The following PLD6 variants were observed in gnomAD, a reference collection of about 807,000 sequenced individuals.
The protein encoded by PLD6 is phospholipase D family member 6.
A neutral mutation model predicts 9.7 loss-of-function variants in PLD6; 10 were observed. The ratio of observed to expected loss-of-function variants is 1.03; its 90% CI spans 0.64 to 1.75. PLD6 has a LOEUF of 1.75. PLD6 is among the 40% of genes most tolerant of loss of function. The pLI is 0.00. For missense variants in PLD6, 334 were observed against 347.6 expected (o/e 0.96, Z 0.31); for synonymous variants, 152 against 159.2 (o/e 0.96, Z 0.34).
At position 17,202,668 on chromosome 17, in the gene PLD6, A is replaced by G; in HGVS notation, c.*99T>C. 8.6e-7 allele frequency: 1 copy of G among 1,163,268 alleles called. No individual in the cohort carries two copies. Among genetic ancestry groups the G allele is most frequent in the South Asian group, 1.5e-5 (1 of 65,618 alleles). 72.1% of individuals were successfully genotyped at this position (1,163,268 alleles called of 1,614,324 possible). A position where few individuals can be genotyped will look rare whatever the true frequency, so the allele number is the denominator to read the frequency against. On this transcript the variant is annotated 3_prime_UTR_variant, in exon 2 of 2. Coordinates refer to ENST00000321560, the MANE Select transcript of PLD6 (RefSeq NM_178836.4). ...TTCTTTAGTTCAATTTAGTATTCTA[A>G]TAGACGAGACTTTAGTTTAACGATT...
chr17:17,206,003 T>C lies in PLD6; in HGVS notation c.284A>G (p.Asp95Gly), dbSNP rs1285410950. The C allele has an allele frequency of 1.3e-6, 2 of 1,548,794 alleles. No individual in the cohort carries two copies. Among genetic ancestry groups the C allele is most frequent in the Non-Finnish European group, 1.7e-6 (2 of 1,149,780 alleles). Residue 95 changes from aspartate to glycine, a missense_variant, in exon 1 of 2, where the codon GAT (aspartate) becomes GGT (glycine). Asp to Gly is a moderately conservative substitution (Grantham distance 94, BLOSUM62 -1). Transcript: ENST00000321560. ...GCTGGAGAAGGCGAACAGGCAGAGA[T>C]CCAGGCTGGCGCGGGCGGCCAGCAG... Reference protein sequence around the residue: ...RALLAARASLDLCLFAFSSPQ... With the variant: ...RALLAARASLGLCLFAFSSPQ...
chr17:17,206,290 G>A lies in PLD6; in HGVS notation c.-4C>T, dbSNP rs1220140666. 2.6e-6 allele frequency: 4 copies of A among 1,527,304 alleles called. No individual in the cohort carries two copies. Among genetic ancestry groups the A allele is most frequent in the Non-Finnish European group, 3.5e-6 (4 of 1,148,788 alleles). The allele number at this position is 1,527,304 out of a possible 1,614,324, so 94.6% of individuals were successfully genotyped here. On this transcript the variant is annotated 5_prime_UTR_variant, in exon 1 of 2. Coordinates refer to ENST00000321560, the MANE Select transcript of PLD6 (RefSeq NM_178836.4). ...CCTGCCAACTCAACCGTCCCATGCC[G>A]CCGCTAATCCGGGACCCACAGCCAC...
At position 17,205,851 on chromosome 17, in the gene PLD6, C is replaced by G; in HGVS notation, c.427+9G>C. The G allele has an allele frequency of 6.4e-7, 1 of 1,559,718 alleles. No homozygotes were observed. Among genetic ancestry groups the G allele is most frequent in the Non-Finnish European group, 8.7e-7 (1 of 1,153,468 alleles). The stretch of plus-strand genomic sequence containing the variant: ...CCGGCCTTCTCCGCTTGGACCCCGC[C>G]GGGCCTACCTGCCTTGCGCAGCAGA... On this transcript the variant is annotated intron_variant, in intron 1 of 1. Transcript: ENST00000321560.
At position 17,206,009 on chromosome 17, in the gene PLD6, C is replaced by T. The variant is rs1439049226; in HGVS notation, c.278G>A (p.Ser93Asn). 2.6e-6 allele frequency: 4 copies of T among 1,545,886 alleles called. No homozygotes were observed. In the Admixed American group the frequency reaches 7.8e-5, roughly 30 times the overall value. ...GAAGGCGAACAGGCAGAGATCCAGG[C>T]TGGCGCGGGCGGCCAGCAGGGCACG... ...LLRALLAARA[S>N]LDLCLFAFSS... The change falls in exon 1 of 2, where the codon AGC (serine) becomes AAC (asparagine). Residue 93 changes from serine to asparagine, a missense_variant. By Grantham distance (46) the Ser-to-Asn change is conservative (BLOSUM62 1). Transcript: ENST00000321560.
rs9914950 is a variant in PLD6 at position 17,203,013 on chromosome 17, C to T, written c.513G>A (p.Ser171=). Residue 171 remains serine (S), a synonymous_variant, in exon 2 of 2, where the codon TCG becomes TCA. Transcript: ENST00000321560. ...GGATGGCTTGCGTGGTCCAGTTGAG[C>T]GAGCCAGTGATGAGCACCCTCTTGT... The part of the protein sequence containing the change: ...IVDKRVLITG[S]LNWTTQAIQN... 1,798 of 1,613,088 alleles carry T rather than the reference C, an allele frequency of 1.1e-3. 17 individuals are homozygous for T. The African/African-American group carries it at 0.02, about 18-fold the overall frequency.
chr17:17,205,736 C>A, intron 1 of PLD6, 124 bp downstream of exon 1: 1 of 1,164,354 alleles, frequency 8.6e-7, no homozygotes, highest in Non-Finnish European at 1.2e-6. Context: ...CCCCACAAGG[C>A]CACGAGGAAA....
In PLD6 at chr17:17,205,469, C is replaced by A. The variant is rs898538812; in HGVS notation, c.427+391G>T. Among the ~76,000 whole-genome samples the A allele has an allele frequency of 2.6e-5, 4 of 152,220 alleles. No homozygotes were observed. In the East Asian group the frequency reaches 7.7e-4, roughly 29 times the overall value. ...AGGTTACCAGAGGCCGTCCGGGGAT[C>A]TCCGGCAGCGTAGGAGGGCGGGCCC... On this transcript the variant is annotated intron_variant, in intron 1 of 1. Transcript: ENST00000321560.
Position 17,203,098 on chromosome 17 carries a change from C to T in PLD6, c.428G>A (p.Gly143Glu), listed in dbSNP as rs1349068649. Residue 143 changes from glycine (G) to glutamate (E), a missense_variant and splice_region_variant, in exon 2 of 2, where the codon GGG becomes GAG. Transcript: ENST00000321560. ...GTCTTGATCGTGCCGGACCTGGATC[C>T]CTGCAGAAAGGACAAGGTGATTTCA... is the stretch of plus-strand genomic sequence containing the variant. ...GSQIGLLRKA[G>E]IQVRHDQDPG... 6 of 1,612,036 alleles carry T rather than the reference C, an allele frequency of 3.7e-6. No homozygotes were observed. The highest frequency in any genetic ancestry group is 5.1e-6 in the Non-Finnish European group (6 of 1,178,390).
At position 17,206,267 on chromosome 17, in the gene PLD6, T is replaced by G. The variant is rs942524566; in HGVS notation, c.20A>C (p.Gln7Pro). The G allele has an allele frequency of 2.6e-6, 4 of 1,544,068 alleles. No homozygotes were observed. Among genetic ancestry groups the G allele is most frequent in the Admixed American group, 3.7e-5 (2 of 53,868 alleles). ...GCCCACAGCCGCCGCGGCCGCCACC[T>G]GCCAACTCAACCGTCCCATGCCGCC... MGRLSW[Q>P]VAAAAAVGLA... The change falls in exon 1 of 2, where the codon CAG becomes CCG. Residue 7 changes from glutamine (Q) to proline (P), a missense_variant. By Grantham distance (76) the Gln-to-Pro change is moderately conservative. Coordinates refer to ENST00000321560, the MANE Select transcript of PLD6 (RefSeq NM_178836.4).
rs1343293281 is a variant in PLD6 at position 17,201,035 on chromosome 17, C to T, written c.*1732G>A. On this transcript the variant is annotated 3_prime_UTR_variant, in exon 2 of 2. Coordinates refer to ENST00000321560, the MANE Select transcript of PLD6 (RefSeq NM_178836.4). ...ATGTTTATTCAGATGTGCCAGAAGT[C>T]CAGGGTCACGCGGCTTCGCATTTAG... is the stretch of plus-strand genomic sequence containing the variant. 6.6e-6 allele frequency: 1 copy of T among 152,210 alleles called. No homozygotes were observed. The highest frequency in any genetic ancestry group is 1.5e-5 in the Non-Finnish European group (1 of 68,046). 9.4% of individuals were successfully genotyped at this position (152,210 alleles called of 1,614,324 possible). A position where few individuals can be genotyped will look rare whatever the true frequency, so the allele number is the denominator to read the frequency against.
chr17:17,202,364 G>C lies in PLD6; in HGVS notation c.*403C>G, dbSNP rs967330821. 1 of 198,394 alleles carries C rather than the reference G, an allele frequency of 5.0e-6. No individual in the cohort carries two copies. The highest frequency in any genetic ancestry group is 1.1e-5 in the Non-Finnish European group (1 of 94,934). 12.3% of individuals were successfully genotyped at this position (198,394 alleles called of 1,614,324 possible). On this transcript the variant is annotated 3_prime_UTR_variant, in exon 2 of 2. Transcript: ENST00000321560. ...ACCAACCCCAGTCGTGCCACATGGA[G>C]AGAGGGATGAAATCTCAGGGAGATG...
In PLD6 at chr17:17,201,222, G is replaced by A. The variant is rs1476906378; in HGVS notation, c.*1545C>T. 6.6e-6 allele frequency: 1 copy of A among 152,218 alleles called. No homozygotes were observed. Among genetic ancestry groups the A allele is most frequent in the East Asian group, 1.9e-4 (1 of 5,200 alleles). The allele number at this position is 152,218 out of a possible 1,614,324, so 9.4% of individuals were successfully genotyped here. A position where few individuals can be genotyped will look rare whatever the true frequency, so the allele number is the denominator to read the frequency against. Reference sequence around the variant, plus strand: ...TCCAAGCTGGCTTGCCTAACACTGTGAGTCAAAAGTAACCCTAAAAAGGAA... The same window carrying A: ...TCCAAGCTGGCTTGCCTAACACTGTAAGTCAAAAGTAACCCTAAAAAGGAA... On this transcript the variant is annotated 3_prime_UTR_variant, in exon 2 of 2. Transcript: ENST00000321560.
At chr17:17,203,278 G>A (rs1369216657) in intron 1 of PLD6, among the ~76,000 whole-genome samples, 180 bp from the exon 2 acceptor site, 2 of 152,174 alleles carry the variant, frequency 1.3e-5, no homozygotes, top group African/African-American at 4.8e-5. Flanking sequence ...CCACAGAGGG[G>A]ACATCACACA....
At chr17:17,204,133 C>G (rs935213091) in intron 1 of PLD6, among the ~76,000 whole-genome samples, 1 of 152,226 alleles carries the variant, frequency 6.6e-6, no homozygotes, top group Non-Finnish European at 1.5e-5. Flanking sequence ...GCCCACACCT[C>G]CTGCCTCCGC....
In PLD6 at chr17:17,202,398, G is replaced by C. The variant is rs1378085554; in HGVS notation, c.*369C>G. The stretch of plus-strand genomic sequence containing the variant: ...GAAATCTCAGGGAGATGCTGAAAGG[G>C]CCCACATCAGCCAAAGCAGGAGGGA... On this transcript the variant is annotated 3_prime_UTR_variant, in exon 2 of 2. Transcript: ENST00000321560. 4.3e-6 allele frequency: 1 copy of C among 232,254 alleles called. No individual in the cohort carries two copies. 14.4% of individuals were successfully genotyped at this position (232,254 alleles called of 1,614,324 possible).
At chr17:17,205,476 A>G (rs1023012108) in intron 1 of PLD6, among the ~76,000 whole-genome samples, 1 of 152,166 alleles carries the variant, frequency 6.6e-6, no homozygotes, top group Non-Finnish European at 1.5e-5. Context: ...GATCTCCGGC[A>G]GCGTAGGAGG....
Position 17,202,614 on chromosome 17 carries a change from G to T in PLD6, c.*153C>A. 1 of 776,326 alleles carries T rather than the reference G, an allele frequency of 1.3e-6. No homozygotes were observed. Among genetic ancestry groups the T allele is most frequent in the Non-Finnish European group, 2.0e-6 (1 of 495,900 alleles). 48.1% of individuals were successfully genotyped at this position (776,326 alleles called of 1,614,324 possible). A position where few individuals can be genotyped will look rare whatever the true frequency, so the allele number is the denominator to read the frequency against. On this transcript the variant is annotated 3_prime_UTR_variant, in exon 2 of 2. Coordinates refer to ENST00000321560, the MANE Select transcript of PLD6 (RefSeq NM_178836.4). Reference sequence around the variant, plus strand: ...AGGTCTGGCCCGAAATAACTGACCCGAAGTAACAGAAATTTCCCTTTCCTA... The same window carrying T: ...AGGTCTGGCCCGAAATAACTGACCCTAAGTAACAGAAATTTCCCTTTCCTA...
rs1274103121 is a variant in PLD6 at position 17,202,718 on chromosome 17, C to G, written c.*49G>C. ...TTTTTTCTAGTGCCGAGGTCTCCCT[C>G]CCTCAGAACGCACAGCAGCCCGCAG... On this transcript the variant is annotated 3_prime_UTR_variant, in exon 2 of 2. Coordinates refer to ENST00000321560, the MANE Select transcript of PLD6 (RefSeq NM_178836.4). 1.3e-6 allele frequency: 2 copies of G among 1,532,880 alleles called. No homozygotes were observed. The highest frequency in any genetic ancestry group is 1.9e-5 in the Admixed American group (1 of 52,260). 95.0% of individuals were successfully genotyped at this position (1,532,880 alleles called of 1,614,324 possible). A position where few individuals can be genotyped will look rare whatever the true frequency, so the allele number is the denominator to read the frequency against.
In PLD6 at chr17:17,202,614, G is replaced by A. The variant is rs1284927629; in HGVS notation, c.*153C>T. 10 of 776,212 alleles carry A rather than the reference G, an allele frequency of 1.3e-5. No individual in the cohort carries two copies. Among genetic ancestry groups the A allele is most frequent in the African/African-American group, 1.8e-5 (1 of 56,894 alleles). 48.1% of individuals were successfully genotyped at this position (776,212 alleles called of 1,614,324 possible). A position where few individuals can be genotyped will look rare whatever the true frequency, so the allele number is the denominator to read the frequency against. On this transcript the variant is annotated 3_prime_UTR_variant, in exon 2 of 2. Coordinates refer to ENST00000321560, the MANE Select transcript of PLD6 (RefSeq NM_178836.4). Reference sequence around the variant, plus strand: ...AGGTCTGGCCCGAAATAACTGACCCGAAGTAACAGAAATTTCCCTTTCCTA... The same window carrying A: ...AGGTCTGGCCCGAAATAACTGACCCAAAGTAACAGAAATTTCCCTTTCCTA...
Sources: gnomAD v4.1 joint callset for allele counts (sites outside exome capture counted in the v4.1 genomes callset) on GRCh38, gnomAD v4.1.1 for gene constraint, MANE v1.5 for transcripts, NCBI Gene and HGNC (gene_info 2026-07-23, HGNC 2026-07-21) for gene names.